POFUT3: variants seen among roughly 807,000 people sequenced by gnomAD.
The protein encoded by POFUT3 is protein O-fucosyltransferase 3, also known as GDP-fucose protein O-fucosyltransferase 3.
the POFUT3 span, among the ~76,000 whole-genome samples, chr8:33,321,030 A>C: frequency 6.6e-6 from 1 of 152,068 alleles, no homozygotes; most frequent in Non-Finnish European, 1.5e-5. Flanking sequence ...TCCACCTGCT[A>C]CTAATGATTC....
the POFUT3 span, chr8:33,388,849 C>G: frequency 1.2e-6 from 1 of 843,066 alleles, no homozygotes. Context: ...CCCGGTCTTT[C>G]TGATAGGAAT....
At chr8:33,405,434 C>A in the POFUT3 span, among the ~76,000 whole-genome samples, 1 of 151,976 alleles carries the variant, frequency 6.6e-6, no homozygotes, top group South Asian at 2.1e-4. Flanking sequence ...GGCACTACCA[C>A]CTCATTAAAA....
the POFUT3 span, among the ~76,000 whole-genome samples, chr8:33,369,461 CT>C: frequency 2.6e-5 from 4 of 152,096 alleles, no homozygotes; most frequent in Admixed American, 2.6e-4. Context: ...AAGAAATTTC[CT>C]AAAGAAAATT....
chr8:33,319,381 A>ATAT, the POFUT3 span, among the ~76,000 whole-genome samples: 2 of 192 alleles, frequency 0.01, no homozygotes, highest in African/African-American at 0.019. Context: ...TATATATTAT[A>ATAT]GAAATATATT....
the POFUT3 span, among the ~76,000 whole-genome samples, chr8:33,329,900 T>A: frequency 6.6e-6 from 1 of 152,184 alleles, no homozygotes; most frequent in Admixed American, 6.5e-5. Flanking sequence ...TTTTACTTTG[T>A]AAGTCTCCTC....
chr8:33,464,204 T>C, the POFUT3 span, among the ~76,000 whole-genome samples: 1 of 152,178 alleles, frequency 6.6e-6, no homozygotes. Flanking sequence ...ATTATCCCTT[T>C]AGGTGGAAAA....
chr8:33,399,369 G>A, the POFUT3 span, among the ~76,000 whole-genome samples: 6 of 152,146 alleles, frequency 3.9e-5, no homozygotes, highest in African/African-American at 9.7e-5. Context: ...GTGCTCTCTG[G>A]TTCACCTATG....
chr8:33,337,803 C>T, the POFUT3 span, among the ~76,000 whole-genome samples: 4 of 152,114 alleles, frequency 2.6e-5, no homozygotes, highest in African/African-American at 7.2e-5. Context: ...AAAATACTAC[C>T]GACTTATTGC....
the POFUT3 span, among the ~76,000 whole-genome samples, chr8:33,429,972 G>T: frequency 2.5e-4 from 37 of 147,644 alleles, no homozygotes; most frequent in African/African-American, 7.5e-4. Context: ...CCCTAGCCTG[G>T]ATGACAGAGT....
the POFUT3 span, among the ~76,000 whole-genome samples, chr8:33,472,679 T>C: frequency 6.6e-6 from 1 of 152,156 alleles, no homozygotes; most frequent in Admixed American, 6.5e-5. Context: ...GGTTCTGGAA[T>C]GGACGGCCGC....
chr8:33,320,207 G>C, the POFUT3 span, among the ~76,000 whole-genome samples: 2 of 151,846 alleles, frequency 1.3e-5, no homozygotes, highest in African/African-American at 2.4e-5. Flanking sequence ...CATATGGAAG[G>C]GGGGCATCTG....
the POFUT3 span, among the ~76,000 whole-genome samples, chr8:33,437,563 C>A: frequency 6.6e-6 from 1 of 152,124 alleles, no homozygotes; most frequent in Admixed American, 6.6e-5. Context: ...GTAATCCCAG[C>A]ACTGTGGGAG....
chr8:33,387,103 T>TTGTGTG, the POFUT3 span, among the ~76,000 whole-genome samples: 1 of 151,016 alleles, frequency 6.6e-6, no homozygotes, highest in Non-Finnish European at 1.5e-5. Context: ...GTGTGTGTGT[T>TTGTGTG]TGTGTGTGTG....
chr8:33,389,902 A>G, the POFUT3 span: 1 of 811,642 alleles, frequency 1.2e-6, no homozygotes, highest in Non-Finnish European at 1.9e-6. Flanking sequence ...GGCTATGAAT[A>G]AGAAGCATGT....
the POFUT3 span, among the ~76,000 whole-genome samples, chr8:33,355,662 T>A: frequency 7.0e-6 from 1 of 142,898 alleles, no homozygotes; most frequent in Admixed American, 9.4e-5. Flanking sequence ...AACACATTTA[T>A]TTTTTTTTTG....
At chr8:33,317,927 T>C in the POFUT3 span, among the ~76,000 whole-genome samples, 1 of 152,170 alleles carries the variant, frequency 6.6e-6, no homozygotes, top group African/African-American at 2.4e-5. Context: ...CTTCCATGTA[T>C]TCACTGCTCT....
chr8:33,377,209 G>A, the POFUT3 span, among the ~76,000 whole-genome samples: 1 of 150,410 alleles, frequency 6.6e-6, no homozygotes, highest in Admixed American at 6.6e-5. Context: ...TCCAGCCCAG[G>A]CAACAGTGCA....
At chr8:33,437,368 G>A in the POFUT3 span, among the ~76,000 whole-genome samples, 1 of 151,334 alleles carries the variant, frequency 6.6e-6, no homozygotes, top group Admixed American at 6.6e-5. Context: ...ACACAGCAGA[G>A]GCTCAGTTAA....
At chr8:33,372,641 C>A in the POFUT3 span, 3 of 1,613,902 alleles carry the variant, frequency 1.9e-6, no homozygotes, top group Non-Finnish European at 2.5e-6. Flanking sequence ...ATCAACCAGC[C>A]ACCTTAGTGC....
Sources: gnomAD v4.1 joint callset for allele counts (sites outside exome capture counted in the v4.1 genomes callset) on GRCh38, gnomAD v4.1.1 for gene constraint, MANE v1.5 for transcripts, NCBI Gene and HGNC (gene_info 2026-07-23, HGNC 2026-07-21) for gene names.